ZNF438: variants seen among roughly 807,000 people sequenced by gnomAD.
ZNF438 encodes the protein zinc finger protein 438.
A neutral mutation model predicts 38.0 loss-of-function variants in ZNF438; 25 were observed. The ratio of observed to expected loss-of-function variants is 0.66; its 90% CI spans 0.48 to 0.92. The LOEUF (loss-of-function observed/expected upper bound fraction) is 0.92. ZNF438 is among the 40% of genes least tolerant of loss of function. The pLI is 0.00. For synonymous variants in ZNF438, 372 were observed against 364.1 expected (o/e 1.02, Z -0.25); for missense variants, 1,007 against 999.6 (o/e 1.01, Z -0.10).
At chr10:31,031,380 C>G (rs2057283144) in intron 1 of ZNF438, among the ~76,000 whole-genome samples, 1 of 152,184 alleles carries the variant, frequency 6.6e-6, no homozygotes, top group South Asian at 2.1e-4. Flanking sequence ...AATGTGTCCA[C>G]GATGACTTGG....
chr10:30,979,895 T>A (rs2051906866), intron 1 of ZNF438, among the ~76,000 whole-genome samples: 1 of 152,180 alleles, frequency 6.6e-6, no homozygotes, highest in Admixed American at 6.5e-5. Flanking sequence ...TTACCAAAAC[T>A]AGGAATGCTA....
chr10:31,002,625 C>G (rs2132852499), intron 1 of ZNF438, among the ~76,000 whole-genome samples: 1 of 152,310 alleles, frequency 6.6e-6, no homozygotes, highest in African/African-American at 2.4e-5. Flanking sequence ...CATTCACATA[C>G]AGGCCATTAT....
chr10:30,916,516 C>CTA (rs2134741727), intron 2 of ZNF438, among the ~76,000 whole-genome samples: 1 of 152,122 alleles, frequency 6.6e-6, no homozygotes, highest in Non-Finnish European at 1.5e-5. Flanking sequence ...TTCTCTCCAG[C>CTA]TATCCTTTTT....
At chr10:30,951,950 C>T (rs978064717) in intron 1 of ZNF438, among the ~76,000 whole-genome samples, 5 of 151,454 alleles carry the variant, frequency 3.3e-5, no homozygotes, top group Admixed American at 6.6e-5. Flanking sequence ...CAAGTCAATC[C>T]TAAGCCAAAA....
chr10:30,988,506 AAG>A (rs1189236636), intron 1 of ZNF438, among the ~76,000 whole-genome samples: 1 of 152,078 alleles, frequency 6.6e-6, no homozygotes, highest in East Asian at 1.9e-4. Flanking sequence ...TCTCCAGAGA[AAG>A]AGAGAGATAA....
At chr10:30,875,811 C>T (rs1007634222) in intron 4 of ZNF438, among the ~76,000 whole-genome samples, 3 of 152,234 alleles carry the variant, frequency 2.0e-5, no homozygotes, top group African/African-American at 7.2e-5. Context: ...TTTGGCCTTC[C>T]AAGGCCATTA....
intron 1 of ZNF438, among the ~76,000 whole-genome samples, chr10:31,009,802 C>T (rs542600495): frequency 5.9e-5 from 9 of 151,404 alleles, no homozygotes; most frequent in African/African-American, 2.2e-4. Flanking sequence ...TTTTTGAGTA[C>T]TGCTCCAACA....
exon 6 of ZNF438, chr10:30,845,163 C>T (rs2132568895): frequency 1.2e-6 from 2 of 1,614,210 alleles, no homozygotes; most frequent in Non-Finnish European, 1.7e-6. Flanking sequence ...GAGGCCAGGA[C>T]ACTCAGGGCC....
At chr10:30,934,978 A>G (rs1389204733) in intron 2 of ZNF438, among the ~76,000 whole-genome samples, 4 of 152,252 alleles carry the variant, frequency 2.6e-5, no homozygotes, top group Admixed American at 6.5e-5. Flanking sequence ...GCTAGGAAGT[A>G]AAATACCATA....
chr10:30,859,232 C>A (rs536790207), intron 4 of ZNF438, among the ~76,000 whole-genome samples: 2 of 152,140 alleles, frequency 1.3e-5, no homozygotes, highest in African/African-American at 2.4e-5. Flanking sequence ...CAGGCGCACA[C>A]CAACATGCTG....
intron 1 of ZNF438, among the ~76,000 whole-genome samples, chr10:30,980,495 C>T (rs1301063768): frequency 2.0e-5 from 3 of 152,176 alleles, no homozygotes; most frequent in African/African-American, 4.8e-5. Flanking sequence ...AAAAGTCACA[C>T]ATGACTTTGA....
intron 1 of ZNF438, among the ~76,000 whole-genome samples, chr10:30,973,466 C>T (rs899249228): frequency 2.6e-5 from 4 of 152,196 alleles, no homozygotes; most frequent in African/African-American, 9.7e-5. Context: ...TGCATCCCTA[C>T]CAGAGCCTAC....
At chr10:30,987,144 C>G (rs2052906348) in intron 1 of ZNF438, among the ~76,000 whole-genome samples, 1 of 151,938 alleles carries the variant, frequency 6.6e-6, no homozygotes, top group South Asian at 2.1e-4. Flanking sequence ...CGTTTATACA[C>G]ACACACAGGG....
chr10:30,885,826 AGT>A (rs2039882280), intron 3 of ZNF438, among the ~76,000 whole-genome samples: 2 of 152,222 alleles, frequency 1.3e-5, no homozygotes, highest in Non-Finnish European at 2.9e-5. Flanking sequence ...AATAGGGAAA[AGT>A]GAGTTTTATA....
At chr10:30,915,188 C>T (rs889249255) in intron 2 of ZNF438, among the ~76,000 whole-genome samples, 1 of 151,924 alleles carries the variant, frequency 6.6e-6, no homozygotes, top group African/African-American at 2.4e-5. Flanking sequence ...GCTTTGTGCC[C>T]TATGAAGTTT....
At chr10:30,993,176 T>G (rs2053679293) in intron 1 of ZNF438, among the ~76,000 whole-genome samples, 1 of 152,246 alleles carries the variant, frequency 6.6e-6, no homozygotes, top group Non-Finnish European at 1.5e-5. Context: ...GAGATTCATA[T>G]TGATACAAGG....
intron 1 of ZNF438, among the ~76,000 whole-genome samples, chr10:31,008,952 A>G (rs2055400344): frequency 6.6e-6 from 1 of 152,162 alleles, no homozygotes; most frequent in Non-Finnish European, 1.5e-5. Flanking sequence ...ATTACAGCTA[A>G]CTAGTGGGCA....
At chr10:30,892,629 A>G (rs1480798280) in intron 3 of ZNF438, among the ~76,000 whole-genome samples, 1 of 152,154 alleles carries the variant, frequency 6.6e-6, no homozygotes, top group Admixed American at 6.5e-5. Flanking sequence ...AAATTGAAAA[A>G]TAAGTCTCCT....
intron 4 of ZNF438, among the ~76,000 whole-genome samples, chr10:30,874,120 ATATATATATATATATATATATATATAT>A (rs2038004450): frequency 1.3e-4 from 1 of 7,498 alleles, no homozygotes; most frequent in South Asian, 4.5e-3. Flanking sequence ...GTGTGTATAT[ATATATATATATATATATATATATATAT>A]ATATATATAT....
Sources: gnomAD v4.1 joint callset for allele counts (sites outside exome capture counted in the v4.1 genomes callset) on GRCh38, gnomAD v4.1.1 for gene constraint, MANE v1.5 for transcripts, NCBI Gene and HGNC (gene_info 2026-07-23, HGNC 2026-07-21) for gene names.